UGT1A5: variants seen among roughly 807,000 people sequenced by gnomAD.
UGT1A5 encodes UDP-glucuronosyltransferase 1A5.
In UGT1A5, 29 loss-of-function variants were observed where a neutral mutation model predicts 40.3. The ratio of observed to expected loss-of-function variants is 0.72; its 90% confidence interval spans 0.54 to 0.98. The LOEUF (loss-of-function observed/expected upper bound fraction) is 0.98. Ranked by LOEUF, UGT1A5 falls within the 50% of genes least tolerant of loss-of-function variation. UGT1A5 has a pLI of 0.00. For missense variants in UGT1A5, 678 were observed against 677.9 expected (o/e 1.00, Z 0.00); for synonymous variants, 257 against 262.5 (o/e 0.98, Z 0.20).
intron 1 of UGT1A5, chr2:233,743,986 G>A (rs1692630126): frequency 1.6e-6 from 2 of 1,282,376 alleles, no homozygotes; most frequent in South Asian, 2.6e-5. Context: ...CCCAGGCGCA[G>A]GCCCGAGTGC....
At chr2:233,730,291 G>A (rs962328046) in intron 1 of UGT1A5, among the ~76,000 whole-genome samples, 1 of 152,200 alleles carries the variant, frequency 6.6e-6, no homozygotes, top group Non-Finnish European at 1.5e-5. Flanking sequence ...CTTCATGGTT[G>A]TGCATGTCCT....
At position 233,747,700 on chromosome 2, in the gene UGT1A5, A is replaced by G. The variant is rs538337941; in HGVS notation, c.868-19334A>G. On this transcript the variant is annotated intron_variant, in intron 1 of 4. Transcript: ENST00000373414. ...TACCTCTGTGGGGCAGTGCTGGCTA[A>G]GTACCTATCAATTCCTGCTGTGTTT... 8 of 1,612,196 alleles carry G rather than the reference A, an allele frequency of 5.0e-6. No individual in the cohort carries two copies. In the East Asian group the frequency reaches 8.9e-5, roughly 18 times the overall value.
intron 1 of UGT1A5, chr2:233,729,534 C>A: frequency 6.2e-7 from 1 of 1,614,090 alleles, no homozygotes; most frequent in Non-Finnish European, 8.5e-7. Flanking sequence ...ATAATGAGGC[C>A]CTGATCAGGC....
At position 233,767,899 on chromosome 2, in the gene UGT1A5, G is replaced by T; in HGVS notation, c.1050G>T (p.Thr350=). Residue 350 remains threonine (T), a synonymous_variant, in exon 3 of 5, where the codon ACG becomes ACT. Transcript: ENST00000373414. The part of the protein sequence containing the change: ...GTRPSNLANN[T]ILVKWLPQND... ...GACCATCGAATCTTGCGAACAACAC[G>T]ATACTTGTTAAGTGGCTACCCCAAA... 1 of 1,614,142 alleles carries T rather than the reference G, an allele frequency of 6.2e-7. No individual in the cohort carries two copies. The highest frequency in any genetic ancestry group is 8.5e-7 in the Non-Finnish European group (1 of 1,180,040).
At chr2:233,760,859 C>T in intron 1 of UGT1A5, 1 of 1,614,112 alleles carries the variant, frequency 6.2e-7, no homozygotes, top group Non-Finnish European at 8.5e-7. Context: ...AACCCATTCT[C>T]CTACGTGCCC....
chr2:233,734,415 TTTC>T (rs2078522932), intron 1 of UGT1A5, among the ~76,000 whole-genome samples: 1 of 152,160 alleles, frequency 6.6e-6, no homozygotes, highest in African/African-American at 2.4e-5. Context: ...TCTTCTCTCT[TTTC>T]TTCTTTATTA....
chr2:233,769,493 G>A lies in UGT1A5; in HGVS notation c.1307+1054G>A. ...TGTGTGTGTGTGCGTGTGTTTATGA[G>A]AGTGTCCATTGCTTTCTCCCATGGT... On this transcript the variant is annotated intron_variant, in intron 4 of 4. Coordinates refer to ENST00000373414, the MANE Select transcript of UGT1A5 (RefSeq NM_019078.2). The surrounding 1 kb of genome is among the most constrained non-coding windows in gnomAD (Gnocchi z 4.4). 1 of 1,612,700 alleles carries A rather than the reference G, an allele frequency of 6.2e-7. No homozygotes were observed. Among genetic ancestry groups the A allele is most frequent in the East Asian group, 2.2e-5 (1 of 44,876 alleles).
chr2:233,757,439 A>G (rs942606489), intron 1 of UGT1A5, among the ~76,000 whole-genome samples: 6 of 151,228 alleles, frequency 4.0e-5, no homozygotes, highest in African/African-American at 1.5e-4. Flanking sequence ...AGTCACTTCT[A>G]TACAGAAACA....
At chr2:233,770,057 T>C (rs1700010876) in intron 4 of UGT1A5, 1 of 154,188 alleles carries the variant, frequency 6.5e-6, no homozygotes, top group Admixed American at 6.5e-5. Context: ...GCTCACATTA[T>C]GGATATAATT....
chr2:233,724,974 A>T (rs1313555521), intron 1 of UGT1A5, among the ~76,000 whole-genome samples: 1 of 135,272 alleles, frequency 7.4e-6, no homozygotes, highest in East Asian at 2.1e-4. Flanking sequence ...AGGTTGGCGG[A>T]TCACTCGCGG....
At chr2:233,760,382 T>G (rs1697426202) in intron 1 of UGT1A5, 1 of 1,614,082 alleles carries the variant, frequency 6.2e-7, no homozygotes, top group African/African-American at 1.3e-5. Context: ...AAGATACTGT[T>G]GATCCCAGTG....
At chr2:233,731,491 G>A (rs1443900018) in intron 1 of UGT1A5, among the ~76,000 whole-genome samples, 2 of 152,026 alleles carry the variant, frequency 1.3e-5, no homozygotes, top group Non-Finnish European at 2.9e-5. Flanking sequence ...TGTGTCCAGT[G>A]TTCTTGCTGT....
Position 233,737,047 on chromosome 2 carries a change from C to G in UGT1A5, c.867+23189C>G, listed in dbSNP as rs559935020. On this transcript the variant is annotated intron_variant, in intron 1 of 4. Coordinates refer to ENST00000373414, the MANE Select transcript of UGT1A5 (RefSeq NM_019078.2). ...CCATTCTCAGAGCTCAAATGCCATA[C>G]TAGGAGAACGAGTGCTCTCTTCAGA... Among the ~76,000 whole-genome samples the G allele has an allele frequency of 2.6e-4, 39 of 152,330 alleles. No homozygotes were observed. In the South Asian group the frequency reaches 7.7e-3, roughly 30 times the overall value.
chr2:233,717,910 C>T (rs533075962), intron 1 of UGT1A5: 5 of 454,782 alleles, frequency 1.1e-5, no homozygotes, highest in Admixed American at 4.7e-5. Context: ...GAAATAAAGG[C>T]CTGGATGAAT....
chr2:233,760,326 G>T, intron 1 of UGT1A5: 1 of 1,614,028 alleles, frequency 6.2e-7, no homozygotes, highest in Non-Finnish European at 8.5e-7. Flanking sequence ...CACTTGTCCT[G>T]GGCCTGCTGC....
At chr2:233,742,568 G>A (rs1692020087) in intron 1 of UGT1A5, among the ~76,000 whole-genome samples, 1 of 151,798 alleles carries the variant, frequency 6.6e-6, no homozygotes, top group African/African-American at 2.4e-5. Context: ...GCTTCTGGCC[G>A]GAATTGGGGG....
intron 1 of UGT1A5, among the ~76,000 whole-genome samples, chr2:233,748,545 C>G (rs949815258): frequency 1.3e-5 from 2 of 151,744 alleles, no homozygotes; most frequent in African/African-American, 4.9e-5. Context: ...CACAGGAGAC[C>G]TAAGCACTCG....
intron 1 of UGT1A5, among the ~76,000 whole-genome samples, chr2:233,714,260 A>T (rs2076376447): frequency 6.6e-6 from 1 of 152,230 alleles, no homozygotes; most frequent in East Asian, 1.9e-4. Context: ...ATAGAAATTT[A>T]CAATTGTTGA....
At chr2:233,721,199 C>T (rs1012504962) in intron 1 of UGT1A5, among the ~76,000 whole-genome samples, 4 of 152,106 alleles carry the variant, frequency 2.6e-5, no homozygotes, top group Admixed American at 2.0e-4. Context: ...ATTTGTTCTA[C>T]TGGTTTTCTT....
Sources: gnomAD v4.1 joint callset for allele counts (sites outside exome capture counted in the v4.1 genomes callset) on GRCh38, gnomAD v4.1.1 for gene constraint, Gnocchi (gnomAD v3.1) non-coding constraint, MANE v1.5 for transcripts, NCBI Gene and HGNC (gene_info 2026-07-23, HGNC 2026-07-21) for gene names.